Variants in SCHIP1 observed in about 807,000 individuals in gnomAD.
The protein encoded by SCHIP1 is schwannomin interacting protein 1.
A neutral mutation model predicts 29.7 loss-of-function variants in SCHIP1; 8 were observed. The observed-to-expected ratio is 0.27, with a 90% CI of 0.16 to 0.49. The LOEUF is 0.49. SCHIP1 is among the 20% of genes least tolerant of loss of function. The pLI, the probability that SCHIP1 is intolerant of heterozygous loss-of-function variation, is 0.99. For missense variants in SCHIP1, 193 were observed against 294.6 expected, an observed-to-expected ratio of 0.66 and a Z score of 2.52; for synonymous variants, 76 against 94.9, an observed-to-expected ratio of 0.80 and a Z score of 1.16.
chr3:159,642,328 C>T, the SCHIP1 span, among the ~76,000 whole-genome samples: 1 of 151,890 alleles, frequency 6.6e-6, no homozygotes, highest in Admixed American at 6.6e-5. Context: ...AGTCCAAATC[C>T]CCTATCCCTA....
chr3:159,288,526 T>A, the SCHIP1 span, among the ~76,000 whole-genome samples: 2 of 152,128 alleles, frequency 1.3e-5, no homozygotes, highest in African/African-American at 4.8e-5. Flanking sequence ...TCATCTGAGG[T>A]TGGGAGCTCG....
At chr3:159,733,679 T>A in the SCHIP1 span, among the ~76,000 whole-genome samples, 1 of 152,212 alleles carries the variant, frequency 6.6e-6, no homozygotes, top group Non-Finnish European at 1.5e-5. Flanking sequence ...CACTGAAGAA[T>A]TCTTCTTATT....
the SCHIP1 span, among the ~76,000 whole-genome samples, chr3:159,742,712 G>A: frequency 3.3e-5 from 5 of 150,840 alleles, no homozygotes; most frequent in African/African-American, 1.2e-4. Context: ...CCATCACCCA[G>A]GCTGGAGTGC....
the SCHIP1 span, among the ~76,000 whole-genome samples, chr3:159,638,647 C>G: frequency 6.6e-6 from 1 of 150,876 alleles, no homozygotes; most frequent in African/African-American, 2.4e-5. Flanking sequence ...AGAGGGGGTG[C>G]GATCTCTGCC....
chr3:159,625,447 C>T, the SCHIP1 span, among the ~76,000 whole-genome samples: 5 of 152,120 alleles, frequency 3.3e-5, no homozygotes, highest in Non-Finnish European at 7.3e-5. Context: ...ATTTCAAATA[C>T]GTACCTCAAG....
the SCHIP1 span, among the ~76,000 whole-genome samples, chr3:159,581,225 C>A: frequency 6.6e-6 from 1 of 152,092 alleles, no homozygotes; most frequent in Non-Finnish European, 1.5e-5. Context: ...GAAAATAAGG[C>A]AAAATGGCTA....
the SCHIP1 span, among the ~76,000 whole-genome samples, chr3:159,674,880 G>A: frequency 6.6e-6 from 1 of 152,158 alleles, no homozygotes; most frequent in South Asian, 2.1e-4. Flanking sequence ...AGGGAGAGAT[G>A]GTGAAGAGCC....
At chr3:159,371,629 G>A in the SCHIP1 span, among the ~76,000 whole-genome samples, 1 of 152,138 alleles carries the variant, frequency 6.6e-6, no homozygotes, top group Admixed American at 6.5e-5. Context: ...GTATCTGTTG[G>A]GGATTGGTTC....
At chr3:159,852,072 C>A (rs1409469927) in intron 1 of SCHIP1, among the ~76,000 whole-genome samples, 2 of 152,172 alleles carry the variant, frequency 1.3e-5, no homozygotes, top group Admixed American at 1.3e-4. Flanking sequence ...CACATTTATG[C>A]CACAAGTCTT....
the SCHIP1 span, among the ~76,000 whole-genome samples, chr3:159,554,267 AAGTT>A: frequency 6.6e-6 from 1 of 152,126 alleles, no homozygotes; most frequent in South Asian, 2.1e-4. Context: ...GAAATGCAGA[AAGTT>A]AGCCATGAAA....
chr3:159,583,946 ATTGCTC>A, the SCHIP1 span, among the ~76,000 whole-genome samples: 1 of 152,156 alleles, frequency 6.6e-6, no homozygotes, highest in Non-Finnish European at 1.5e-5. Context: ...GAAATGCACA[ATTGCTC>A]TTGTCCAGCC....
chr3:159,427,976 A>G, the SCHIP1 span, among the ~76,000 whole-genome samples: 1 of 152,168 alleles, frequency 6.6e-6, no homozygotes, highest in Admixed American at 6.5e-5. Context: ...TGGTGCTGGG[A>G]AAACTGGCTA....
the SCHIP1 span, among the ~76,000 whole-genome samples, chr3:159,458,564 C>CTT: frequency 8.1e-4 from 117 of 143,882 alleles, no homozygotes; most frequent in Middle Eastern, 3.6e-3. Context: ...ACTGACTTTT[C>CTT]TTTTTTTTTT....
At chr3:159,793,406 C>G in the SCHIP1 span, among the ~76,000 whole-genome samples, 1 of 152,140 alleles carries the variant, frequency 6.6e-6, no homozygotes, top group East Asian at 1.9e-4. Flanking sequence ...TGGATATAGG[C>G]AGATGTATTA....
chr3:159,520,102 A>T, the SCHIP1 span, among the ~76,000 whole-genome samples: 1 of 151,244 alleles, frequency 6.6e-6, no homozygotes, highest in Admixed American at 6.6e-5. Context: ...CAAATAAAAA[A>T]AAAAAAAAAA....
At chr3:159,506,039 C>T in the SCHIP1 span, among the ~76,000 whole-genome samples, 1 of 152,184 alleles carries the variant, frequency 6.6e-6, no homozygotes, top group Non-Finnish European at 1.5e-5. Flanking sequence ...CCTGAGGAAT[C>T]GCCACACTGA....
rs760608917 is a variant in SCHIP1 at position 159,886,194 on chromosome 3, T to C, written c.150-13T>C. On this transcript the variant is annotated splice_polypyrimidine_tract_variant and intron_variant, in intron 2 of 6. Coordinates refer to ENST00000445224, the Ensembl canonical transcript of SCHIP1. ...AGCTAAGTAGAACTAGTGTCCTGTT[T>C]GTTTCTGCCCAGACTGCAGAGTGGG... 1.4e-5 allele frequency: 22 copies of C among 1,613,774 alleles called. No homozygotes were observed. The South Asian group carries it at 2.3e-4, about 17-fold the overall frequency.
At chr3:159,498,145 C>T in the SCHIP1 span, among the ~76,000 whole-genome samples, 1 of 152,112 alleles carries the variant, frequency 6.6e-6, no homozygotes, top group Non-Finnish European at 1.5e-5. Flanking sequence ...CAATTGACAT[C>T]CCCAATTAGA....
chr3:159,316,790 T>C, the SCHIP1 span, among the ~76,000 whole-genome samples: 1 of 152,188 alleles, frequency 6.6e-6, no homozygotes, highest in East Asian at 1.9e-4. Flanking sequence ...AAATCTTACG[T>C]CACATGATAA....
Sources: gnomAD v4.1 joint callset for allele counts (sites outside exome capture counted in the v4.1 genomes callset) on GRCh38, gnomAD v4.1.1 for gene constraint, MANE v1.5 for transcripts, NCBI Gene and HGNC (gene_info 2026-07-23, HGNC 2026-07-21) for gene names.